Variants in ABCA1 observed in about 807,000 individuals in gnomAD.
ABCA1 encodes the protein ATP binding cassette subfamily A member 1, also known as phospholipid-transporting ATPase ABCA1.
ABCA1 carries 133 observed loss-of-function variants against 262.5 expected under a neutral mutation model. The ratio of observed to expected loss-of-function variants is 0.51; its 90% confidence interval spans 0.44 to 0.59. The LOEUF is 0.59. Among genes scored for constraint, ABCA1 ranks in the 20% least tolerant of loss-of-function variants. The pLI is 0.00. For missense variants in ABCA1, 2,452 were observed against 2,777.5 expected, an observed-to-expected ratio of 0.88 and a Z score of 2.63; for synonymous variants, 1,022 against 1,043.5, an observed-to-expected ratio of 0.98 and a Z score of 0.40.
chr9:104,901,628 G>A (rs1007626062), intron 2 of ABCA1, among the ~76,000 whole-genome samples: 1 of 152,182 alleles, frequency 6.6e-6, no homozygotes, highest in African/African-American at 2.4e-5. Flanking sequence ...GAGGCAGGGA[G>A]AAAGGCAAGG....
chr9:104,897,793 G>A (rs925716222), intron 2 of ABCA1, among the ~76,000 whole-genome samples: 1 of 152,118 alleles, frequency 6.6e-6, no homozygotes, highest in African/African-American at 2.4e-5. Context: ...TAGTAGAGAT[G>A]GGTGTCACCA....
intron 9 of ABCA1, among the ~76,000 whole-genome samples, chr9:104,839,629 T>C (rs1564162448): frequency 6.6e-6 from 1 of 150,964 alleles, no homozygotes; most frequent in Admixed American, 6.6e-5. Context: ...TTTTTAAAAA[T>C]GCTTTTCTAG....
At chr9:104,790,885 G>A (rs1452423689) in intron 44 of ABCA1, 37 bp downstream of exon 44, 7 of 1,372,850 alleles carry the variant, frequency 5.1e-6, no homozygotes, top group Non-Finnish European at 7.3e-6. Context: ...TAAAAACAAA[G>A]TCTTTGCAGC....
At chr9:104,918,507 T>C (rs531207127) in intron 1 of ABCA1, among the ~76,000 whole-genome samples, 70 of 152,344 alleles carry the variant, frequency 4.6e-4, no homozygotes, top group African/African-American at 1.2e-3. Context: ...GTCCAGCACC[T>C]AGTACTTTCC....
chr9:104,925,323 G>GC (rs1564310682), intron 1 of ABCA1, among the ~76,000 whole-genome samples: 2 of 115,054 alleles, frequency 1.7e-5, no homozygotes, highest in African/African-American at 3.2e-5. Context: ...GTTGCAGTGA[G>GC]CCATATCGTG....
chr9:104,909,878 G>C (rs1028728803), intron 1 of ABCA1, among the ~76,000 whole-genome samples: 3 of 152,200 alleles, frequency 2.0e-5, no homozygotes, highest in African/African-American at 7.2e-5. Flanking sequence ...ATAGCCAAAA[G>C]AAAAACAGGA....
At chr9:104,810,351 C>T (rs1208858990) in intron 29 of ABCA1, among the ~76,000 whole-genome samples, 2 of 151,890 alleles carry the variant, frequency 1.3e-5, no homozygotes, top group African/African-American at 4.8e-5. Context: ...AGAACAAACA[C>T]TACCTAACAT....
rs1231327258 is a variant in ABCA1, at chr9:104,782,093, A to G, written c.*2222T>C. The G allele has an allele frequency of 1.3e-5, 2 of 152,144 alleles. No individual in the cohort carries two copies. Among genetic ancestry groups the G allele is most frequent in the Non-Finnish European group, 1.5e-5 (1 of 67,974 alleles). The allele number at this position is 152,144 out of a possible 1,614,324, so 9.4% of individuals were successfully genotyped here. On this transcript the variant is annotated 3_prime_UTR_variant, in exon 50 of 50. Coordinates refer to ENST00000374736, the MANE Select transcript of ABCA1 (RefSeq NM_005502.4). ...GGAACCGAAGTAAGGAGTTGCTCAT[A>G]GATTTACTATAATGAAGAATTAGAA...
intron 19 of ABCA1, 126 bp downstream of exon 19, chr9:104,822,370 C>T: frequency 1.1e-5 from 14 of 1,243,158 alleles, no homozygotes; most frequent in Admixed American, 3.4e-5. Context: ...TGTTCACATT[C>T]GGCAACTCCT....
At chr9:104,812,373 T>C (rs997397393) in intron 28 of ABCA1, among the ~76,000 whole-genome samples, 3 of 152,210 alleles carry the variant, frequency 2.0e-5, no homozygotes, top group Non-Finnish European at 2.9e-5. Flanking sequence ...ATCCCCATTT[T>C]ACAGATGAGG....
chr9:104,837,658 G>A lies in ABCA1; in HGVS notation c.1055-91C>T. On this transcript the variant is annotated intron_variant, in intron 9 of 49. Coordinates refer to ENST00000374736, the MANE Select transcript of ABCA1 (RefSeq NM_005502.4). ...CTTTGGAGCCAGAGAGTTCTTAGTT[G>A]AAACCCCAGCTCTACCACTACTAGT... 3 of 1,489,552 alleles carry A rather than the reference G, an allele frequency of 2.0e-6. No individual in the cohort carries two copies. The South Asian group carries it at 3.5e-5, about 17-fold the overall frequency. The allele number at this position is 1,489,552 out of a possible 1,614,324, so 92.3% of individuals were successfully genotyped here. A position where few individuals can be genotyped will look rare whatever the true frequency, so the allele number is the denominator to read the frequency against.
intron 5 of ABCA1, among the ~76,000 whole-genome samples, chr9:104,870,158 T>G (rs1340009604): frequency 6.6e-6 from 1 of 152,188 alleles, no homozygotes; most frequent in Non-Finnish European, 1.5e-5. Flanking sequence ...TACCATAACT[T>G]TAGGAACCAC....
chr9:104,891,966 TAAAAAAAA>T (rs570923490), intron 2 of ABCA1, among the ~76,000 whole-genome samples: 18 of 59,214 alleles, frequency 3.0e-4, no homozygotes, highest in Admixed American at 2.1e-3. Context: ...CTCTGTCTCT[TAAAAAAAA>T]AAAAAAAAAA....
intron 37 of ABCA1, among the ~76,000 whole-genome samples, chr9:104,796,947 G>A (rs980307734): frequency 3.3e-5 from 5 of 152,312 alleles, no homozygotes; most frequent in African/African-American, 9.6e-5. Flanking sequence ...AAGACTTGAC[G>A]ATAGGACAAT....
At chr9:104,897,971 T>C (rs1358062391) in intron 2 of ABCA1, among the ~76,000 whole-genome samples, 1 of 152,180 alleles carries the variant, frequency 6.6e-6, no homozygotes, top group African/African-American at 2.4e-5. Context: ...TCAGAATTGC[T>C]GTGAGAATCA....
At chr9:104,834,004 T>C (rs4149301) in intron 11 of ABCA1, among the ~76,000 whole-genome samples, 24,826 of 136,940 alleles carry the variant, frequency 0.18, 4,496 homozygotes, top group East Asian at 0.68. Flanking sequence ...AAGATGAAGC[T>C]CTGGTTCTAC....
intron 25 of ABCA1, among the ~76,000 whole-genome samples, 183 bp from the exon 26 acceptor site, chr9:104,814,658 A>G (rs1219566766): frequency 6.6e-6 from 1 of 152,196 alleles, no homozygotes; most frequent in Admixed American, 6.5e-5. Flanking sequence ...GCCAGAGAAC[A>G]TTTCCTCAGT....
chr9:104,819,844 C>G, intron 21 of ABCA1, 83 bp downstream of exon 21: 1 of 1,609,150 alleles, frequency 6.2e-7, no homozygotes, highest in East Asian at 2.2e-5. Flanking sequence ...GCCTGGGACC[C>G]TGGGGCAGTG....
chr9:104,829,723 G>A (rs1254347184), intron 14 of ABCA1, among the ~76,000 whole-genome samples: 1 of 152,146 alleles, frequency 6.6e-6, no homozygotes, highest in East Asian at 1.9e-4. Context: ...GAACTCCTGT[G>A]CCCTGTCTTA....
Sources: gnomAD v4.1 joint callset for allele counts (sites outside exome capture counted in the v4.1 genomes callset) on GRCh38, gnomAD v4.1.1 for gene constraint, MANE v1.5 for transcripts, NCBI Gene and HGNC (gene_info 2026-07-23, HGNC 2026-07-21) for gene names.